Variants in FHOD3 observed in about 807,000 individuals in gnomAD.
FHOD3 encodes FH1/FH2 domain-containing protein 3.
Under a neutral mutation model 173.0 loss-of-function variants are expected in FHOD3, and 90 were observed. That is an observed-to-expected ratio of 0.52 (90% CI 0.44 to 0.62). The LOEUF (loss-of-function observed/expected upper bound fraction) is 0.62, where lower values mean the gene tolerates loss of function less well. Among genes scored for constraint, FHOD3 ranks in the 20% least tolerant of loss-of-function variants. The pLI is 0.00. For missense variants in FHOD3, 1,945 were observed against 2,034.7 expected, an observed-to-expected ratio of 0.96 and a Z score of 0.85; for synonymous variants, 828 against 823.0, an observed-to-expected ratio of 1.01 and a Z score of -0.10.
At chr18:36,524,539 A>C (rs2056425643) in intron 5 of FHOD3, among the ~76,000 whole-genome samples, 1 of 152,146 alleles carries the variant, frequency 6.6e-6, no homozygotes, top group South Asian at 2.1e-4. Flanking sequence ...GGCAAGGCAG[A>C]CTGGTACCCG....
chr18:36,723,620 C>T (rs1352976656), intron 19 of FHOD3, among the ~76,000 whole-genome samples: 1 of 152,106 alleles, frequency 6.6e-6, no homozygotes, highest in Non-Finnish European at 1.5e-5. Flanking sequence ...CTCTCTGAGC[C>T]CGACCCAAGG....
Position 36,496,863 on chromosome 18 carries a change from A to G in FHOD3, c.338-5069A>G, listed in dbSNP as rs182729425. On this transcript the variant is annotated intron_variant, in intron 3 of 28. Coordinates refer to ENST00000590592, the MANE Select transcript of FHOD3 (RefSeq NM_001281740.3). ...TGTATGAAGGATAAAAAAAGTTACA[A>G]TGTAACAGATGCCACATGGTGGGAT... is the stretch of plus-strand genomic sequence containing the variant. 4.3e-3 allele frequency among the ~76,000 whole-genome samples: 648 copies of G among 152,328 alleles called. 7 individuals carry two copies. The highest frequency in any genetic ancestry group is 0.015 in the African/African-American group (612 of 41,582).
rs2036135243 is a variant in FHOD3, at chr18:36,652,567, C to T, written c.1287-3C>T. The T allele has an allele frequency of 1.3e-6, 2 of 1,522,402 alleles. No homozygotes were observed. The highest frequency in any genetic ancestry group is 1.8e-6 in the Non-Finnish European group (2 of 1,137,514). 94.3% of individuals were successfully genotyped at this position (1,522,402 alleles called of 1,614,324 possible). A position where few individuals can be genotyped will look rare whatever the true frequency, so the allele number is the denominator to read the frequency against. ...TTCCTCCTCCTCCCTGCTGGCCCAA[C>T]AGCAAGGTCGGCGCTGCCTCAGGGC... On this transcript the variant is annotated splice_polypyrimidine_tract_variant and splice_region_variant and intron_variant, in intron 11 of 28. Transcript: ENST00000590592.
intron 1 of FHOD3, among the ~76,000 whole-genome samples, chr18:36,349,617 G>A (rs2046024461): frequency 6.6e-6 from 1 of 152,182 alleles, no homozygotes; most frequent in Non-Finnish European, 1.5e-5. Flanking sequence ...CTGGGCTATG[G>A]ATCGCTGTGG....
chr18:36,630,909 A>G (rs2034466507), intron 10 of FHOD3, among the ~76,000 whole-genome samples: 1 of 152,254 alleles, frequency 6.6e-6, no homozygotes, highest in South Asian at 2.1e-4. Context: ...GGATATATAA[A>G]TGGGTCTTGT....
chr18:36,444,821 A>T (rs1025062481), intron 3 of FHOD3, among the ~76,000 whole-genome samples: 1 of 152,124 alleles, frequency 6.6e-6, no homozygotes, highest in Non-Finnish European at 1.5e-5. Flanking sequence ...CAGATGTATT[A>T]TAGTTTATTC....
chr18:36,490,477 G>A (rs753378851), intron 3 of FHOD3, among the ~76,000 whole-genome samples: 1 of 152,172 alleles, frequency 6.6e-6, no homozygotes, highest in Non-Finnish European at 1.5e-5. Context: ...CAGACCAAAT[G>A]GGTGTGGAAC....
chr18:36,657,919 G>A (rs777076469), intron 13 of FHOD3, among the ~76,000 whole-genome samples, 156 bp from the exon 14 acceptor site: 1 of 152,128 alleles, frequency 6.6e-6, no homozygotes, highest in African/African-American at 2.4e-5. Flanking sequence ...AAAAAACAGG[G>A]AACAAACCTC....
At chr18:36,551,768 T>C (rs964703637) in intron 5 of FHOD3, among the ~76,000 whole-genome samples, 1 of 152,274 alleles carries the variant, frequency 6.6e-6, no homozygotes, top group African/African-American at 2.4e-5. Context: ...TTTCCCCATT[T>C]CTTGTTTTTG....
At chr18:36,651,848 A>G (rs915638852) in intron 11 of FHOD3, among the ~76,000 whole-genome samples, 2 of 152,136 alleles carry the variant, frequency 1.3e-5, no homozygotes, top group African/African-American at 4.8e-5. Context: ...CATGTCTATC[A>G]CCTCCCATAG....
intron 5 of FHOD3, among the ~76,000 whole-genome samples, chr18:36,526,152 G>A (rs1443681941): frequency 6.6e-6 from 1 of 152,366 alleles, no homozygotes; most frequent in South Asian, 2.1e-4. Flanking sequence ...GAGATCCAAG[G>A]GCTCGGCCAA....
chr18:36,365,102 A>G (rs1438620483), intron 2 of FHOD3, among the ~76,000 whole-genome samples: 1 of 152,188 alleles, frequency 6.6e-6, no homozygotes, highest in Non-Finnish European at 1.5e-5. Context: ...GATGAACTGA[A>G]AACAGACCAT....
intron 8 of FHOD3, among the ~76,000 whole-genome samples, chr18:36,604,104 G>A (rs868739658): frequency 1.3e-5 from 2 of 152,158 alleles, no homozygotes; most frequent in African/African-American, 4.8e-5. Flanking sequence ...GGGGGCCCAT[G>A]CTGACCCAGA....
intron 3 of FHOD3, among the ~76,000 whole-genome samples, chr18:36,384,522 A>G (rs2047933779): frequency 6.6e-6 from 1 of 151,266 alleles, no homozygotes; most frequent in South Asian, 2.1e-4. Flanking sequence ...GTGAGTTGAT[A>G]TCATGCCATT....
At chr18:36,553,640 T>C (rs917082970) in intron 5 of FHOD3, among the ~76,000 whole-genome samples, 1 of 152,308 alleles carries the variant, frequency 6.6e-6, no homozygotes, top group Admixed American at 6.5e-5. Flanking sequence ...TGGTAGTTTG[T>C]ATTTCTGTGG....
At chr18:36,587,630 A>G (rs2059080293) in intron 6 of FHOD3, among the ~76,000 whole-genome samples, 2 of 152,090 alleles carry the variant, frequency 1.3e-5, no homozygotes, top group South Asian at 4.2e-4. Flanking sequence ...CATGTCTACT[A>G]AAAATACAAA....
intron 16 of FHOD3, chr18:36,692,888 T>G: frequency 3.2e-6 from 1 of 315,396 alleles, no homozygotes; most frequent in Non-Finnish European, 6.0e-6. Flanking sequence ...GGCTTTTTGG[T>G]GGTGGTTATT....
intron 3 of FHOD3, among the ~76,000 whole-genome samples, chr18:36,427,513 C>T (rs1342561971): frequency 6.6e-6 from 1 of 152,152 alleles, no homozygotes; most frequent in East Asian, 1.9e-4. Flanking sequence ...AAATCCAGTT[C>T]AAGTTTTATT....
At chr18:36,683,341 T>C (rs533099651) in intron 15 of FHOD3, among the ~76,000 whole-genome samples, 30 of 152,328 alleles carry the variant, frequency 2.0e-4, no homozygotes, top group African/African-American at 7.2e-4. Context: ...CAAAGTGTTT[T>C]ATTGAAAACC....
Sources: allele counts gnomAD v4.1 joint callset (sites outside exome capture counted in the v4.1 genomes callset), GRCh38; gene constraint gnomAD v4.1.1; transcripts MANE v1.5; gene names NCBI Gene and HGNC (gene_info 2026-07-23, HGNC 2026-07-21).